ZNF721: variants seen among roughly 807,000 people sequenced by gnomAD.
The protein encoded by ZNF721 is zinc finger protein 721.
Under a neutral mutation model 2.4 loss-of-function variants are expected in ZNF721, and 2 were observed. That is an observed-to-expected ratio of 0.82 (90% CI 0.34 to 2.58). The LOEUF is 2.58. Among genes scored for constraint, ZNF721 ranks in the 30% most tolerant of loss-of-function variants. The pLI, the probability that ZNF721 is intolerant of heterozygous loss-of-function variation, is 0.11. For synonymous variants in ZNF721, 398 were observed against 381.8 expected (o/e 1.04, Z -0.50); for missense variants, 1,187 against 1,085.5 (o/e 1.09, Z -1.31).
chr4:467,404 A>G (rs542114791), intron 2 of ZNF721, among the ~76,000 whole-genome samples: 7 of 152,380 alleles, frequency 4.6e-5, no homozygotes, highest in African/African-American at 1.7e-4. Context: ...GTGACAATGT[A>G]TGATTCCACT....
At chr4:474,245 G>GAT in intron 1 of ZNF721, 1 of 365,506 alleles carries the variant, frequency 2.7e-6, no homozygotes, top group Admixed American at 3.8e-5. Context: ...ATGGGTCCAG[G>GAT]CTTCACGCCC....
rs1553863254 is a variant in ZNF721 at position 442,131 on chromosome 4, T to C, written c.2336A>G (p.Lys779Arg). The change falls in exon 3 of 3, where the codon AAA becomes AGA. Residue 779 changes from lysine (K) to arginine (R), a missense_variant. Coordinates refer to ENST00000511833, the MANE Select transcript of ZNF721 (RefSeq NM_133474.4). Reference protein sequence around the residue: ...NRHEKIHTGKKPYKCKECGKV... With the variant: ...NRHEKIHTGKRPYKCKECGKV... ...GCCACATTCCTTACATTTGTAGGGT[T>C]TCTTTCCAGTATGAATTTTCTCATG... 6.2e-7 allele frequency: 1 copy of C among 1,613,760 alleles called. No homozygotes were observed. The highest frequency in any genetic ancestry group is 8.5e-7 in the Non-Finnish European group (1 of 1,179,762).
intron 2 of ZNF721, among the ~76,000 whole-genome samples, chr4:464,818 G>C (rs562307994): frequency 6.6e-6 from 1 of 151,728 alleles, no homozygotes; most frequent in African/African-American, 2.4e-5. Context: ...GGTGGCTCAC[G>C]CCTGTAATCC....
chr4:482,499 T>C (rs1553869685), intron 1 of ZNF721, among the ~76,000 whole-genome samples: 1 of 149,964 alleles, frequency 6.7e-6, no homozygotes, highest in Non-Finnish European at 1.5e-5. Context: ...AAGTTGTTTC[T>C]GTTTTTGTTT....
chr4:480,743 C>T (rs1207516866), intron 1 of ZNF721, among the ~76,000 whole-genome samples: 5 of 149,610 alleles, frequency 3.3e-5, no homozygotes, highest in African/African-American at 1.2e-4. Flanking sequence ...AAGGTAGAGC[C>T]GTATTCCACT....
In ZNF721 at chr4:499,130, C is replaced by T. The variant is rs1266789614; in HGVS notation, c.-168G>A. ...GGAGCCGGGAACACCGCCCGCTGTTCGTATGTCCGAGGTGACGCCCCGCTG... is the reference window on the plus strand; with the variant it reads ...GGAGCCGGGAACACCGCCCGCTGTTTGTATGTCCGAGGTGACGCCCCGCTG... On this transcript the variant is annotated 5_prime_UTR_variant, in exon 1 of 3. Coordinates refer to ENST00000511833, the MANE Select transcript of ZNF721 (RefSeq NM_133474.4). 2 of 587,152 alleles carry T rather than the reference C, an allele frequency of 3.4e-6. No individual in the cohort carries two copies. Among genetic ancestry groups the T allele is most frequent in the East Asian group, 6.3e-5 (2 of 31,904 alleles). The allele number at this position is 587,152 out of a possible 1,614,324, so 36.4% of individuals were successfully genotyped here.
In ZNF721 at chr4:444,014, G is replaced by A. The variant is rs376114031; in HGVS notation, c.453C>T (p.Asp151=). 2.5e-6 allele frequency: 4 copies of A among 1,613,660 alleles called. No homozygotes were observed. In the African/African-American group the frequency reaches 4.0e-5, roughly 16 times the overall value. ...TATGAATTTTCTTGTGTTGATTCAGGTCTGTGTACCATCCAAAGTCTTTGC... is the reference window on the plus strand; with the variant it reads ...TATGAATTTTCTTGTGTTGATTCAGATCTGTGTACCATCCAAAGTCTTTGC... ...ERGKDFGWYT[D]LNQHKKIHTG... Residue 151 remains aspartate (D), a synonymous_variant, in exon 3 of 3, where the codon GAC becomes GAT. Transcript: ENST00000511833.
chr4:497,997 G>A (rs1716324433), intron 1 of ZNF721, among the ~76,000 whole-genome samples: 1 of 151,840 alleles, frequency 6.6e-6, no homozygotes, highest in Admixed American at 6.6e-5. Context: ...ACGAGGTCAG[G>A]AGTTCAAGAA....
rs1321429486 is a variant in ZNF721 at position 490,965 on chromosome 4, AAAG to A, written c.-94+8088_-94+8090del. 2.0e-5 allele frequency among the ~76,000 whole-genome samples: 3 copies of A among 152,056 alleles called. No individual in the cohort carries two copies. In the East Asian group the frequency reaches 5.8e-4, roughly 29 times the overall value. Reference sequence around the variant, plus strand: ...CGAGACTACATCTCAAAAAAAAAAAAAAGAACAGGAAGGAATGTTTGTTACATC... The same window carrying A: ...CGAGACTACATCTCAAAAAAAAAAAAAACAGGAAGGAATGTTTGTTACATC... On this transcript the variant is annotated intron_variant, in intron 1 of 2. Transcript: ENST00000511833.
chr4:496,274 C>G (rs1219581953), intron 1 of ZNF721, among the ~76,000 whole-genome samples: 1 of 152,132 alleles, frequency 6.6e-6, no homozygotes, highest in East Asian at 1.9e-4. Flanking sequence ...GCTTGCAGAC[C>G]TAGCTTTTCA....
intron 1 of ZNF721, among the ~76,000 whole-genome samples, chr4:493,426 C>G (rs1488193662): frequency 2.0e-5 from 3 of 152,178 alleles, no homozygotes; most frequent in African/African-American, 7.2e-5. Context: ...TGCCTATAAT[C>G]CCAGAGCTTT....
At chr4:456,810 C>T (rs1276487180) in intron 2 of ZNF721, among the ~76,000 whole-genome samples, 3 of 152,102 alleles carry the variant, frequency 2.0e-5, no homozygotes, top group African/African-American at 4.8e-5. Flanking sequence ...ATCCGGGAGG[C>T]GGAGGTTGCA....
intron 2 of ZNF721, among the ~76,000 whole-genome samples, chr4:455,859 G>C (rs938063349): frequency 6.6e-6 from 1 of 151,916 alleles, no homozygotes; most frequent in African/African-American, 2.4e-5. Context: ...AAAACCTTTA[G>C]GCAATTTTAT....
intron 1 of ZNF721, among the ~76,000 whole-genome samples, chr4:494,704 T>C (rs1716105799): frequency 6.6e-6 from 1 of 152,074 alleles, no homozygotes; most frequent in Non-Finnish European, 1.5e-5. Flanking sequence ...ACAGCTTTAT[T>C]TTTCTTTGAG....
rs1432450704 is a variant in ZNF721, at chr4:444,073, C to T, written c.394G>A (p.Ala132Thr). 2 of 1,613,958 alleles carry T rather than the reference C, an allele frequency of 1.2e-6. No individual in the cohort carries two copies. The highest frequency in any genetic ancestry group is 1.7e-6 in the Non-Finnish European group (2 of 1,179,932). ...SDLTQHKGIH[A>T]GEKPYTCEER... ...TCACAAGTGTAGGGTTTCTCTCCAG[C>T]ATGAATTCCTTTATGTTGAGTTAGG... Residue 132 changes from alanine to threonine, a missense_variant, in exon 3 of 3, where the codon GCT becomes ACT. Physicochemically the swap from Ala to Thr is moderately conservative, Grantham distance 58 (BLOSUM62 0). Transcript: ENST00000511833.
At chr4:481,489 T>C (rs1283117374) in intron 1 of ZNF721, among the ~76,000 whole-genome samples, 3 of 152,224 alleles carry the variant, frequency 2.0e-5, no homozygotes, top group African/African-American at 7.2e-5. Flanking sequence ...GGAAATGTCT[T>C]TGAAGACCTT....
chr4:443,743 T>G lies in ZNF721; in HGVS notation c.724A>C (p.Ile242Leu). 1.2e-6 allele frequency: 2 copies of G among 1,614,096 alleles called. No homozygotes were observed. The highest frequency in any genetic ancestry group is 1.1e-5 in the South Asian group (1 of 91,078). The part of the protein sequence containing the change: ...HSSHLNKHEK[I>L]HTGEKPYKCK... ...TTGTAGGGTTTCTCTCCAGTATGAA[T>G]TTTCTCATGTTTATTCAGGTGTGAG... is the stretch of plus-strand genomic sequence containing the variant. The change falls in exon 3 of 3, where the codon ATT becomes CTT. Residue 242 changes from isoleucine to leucine, a missense_variant. Coordinates refer to ENST00000511833, the MANE Select transcript of ZNF721 (RefSeq NM_133474.4).
intron 2 of ZNF721, among the ~76,000 whole-genome samples, chr4:467,996 C>T (rs1054148371): frequency 5.3e-5 from 8 of 150,192 alleles, no homozygotes; most frequent in African/African-American, 9.8e-5. Flanking sequence ...ATTAGCTGAG[C>T]GTGCCGGGTG....
At position 448,706 on chromosome 4, in the gene ZNF721, A is replaced by C. The variant is rs1714557689; in HGVS notation, c.35-4274T>G. Among the ~76,000 whole-genome samples the C allele has an allele frequency of 3.9e-5, 6 of 152,286 alleles. No homozygotes were observed. The South Asian group carries it at 1.2e-3, about 32-fold the overall frequency. On this transcript the variant is annotated intron_variant, in intron 2 of 2. Transcript: ENST00000511833. ...TGATTTCAAAACACATACAAAGCTA[A>C]AGAATTAAAATAATTTGGGATAGAT...
Sources: allele counts gnomAD v4.1 joint callset (sites outside exome capture counted in the v4.1 genomes callset), GRCh38; gene constraint gnomAD v4.1.1; transcripts MANE v1.5; gene names NCBI Gene and HGNC (gene_info 2026-07-23, HGNC 2026-07-21).